Variants in ASXL3 observed in about 807,000 individuals in gnomAD.
ASXL3 encodes the protein putative Polycomb group protein ASXL3.
A neutral mutation model predicts 170.6 loss-of-function variants in ASXL3; 34 were observed. The ratio of observed to expected loss-of-function variants is 0.20; its 90% confidence interval spans 0.15 to 0.27. The LOEUF is 0.27. Among genes scored for constraint, ASXL3 ranks in the 10% least tolerant of loss-of-function variants. The probability of loss-of-function intolerance (pLI) is 1.00; values close to 1 mark genes in which losing one functional copy is unlikely to be tolerated. For synonymous variants in ASXL3, 1,002 were observed against 989.1 expected (o/e 1.01, Z -0.24); for missense variants, 2,592 against 2,695.3 (o/e 0.96, Z 0.85).
chr18:33,733,075 C>G (rs935416627), intron 9 of ASXL3, among the ~76,000 whole-genome samples: 11 of 152,116 alleles, frequency 7.2e-5, no homozygotes, highest in African/African-American at 2.7e-4. Flanking sequence ...TCCTATTCTT[C>G]CATCTGATGC....
At chr18:33,645,680 T>G (rs928943879) in intron 3 of ASXL3, among the ~76,000 whole-genome samples, 13 of 152,074 alleles carry the variant, frequency 8.5e-5, no homozygotes, top group African/African-American at 2.4e-4. Context: ...ATTGTGTTAT[T>G]TCTTAGAAAT....
chr18:33,648,165 G>A (rs186186402), intron 4 of ASXL3, among the ~76,000 whole-genome samples: 1 of 152,240 alleles, frequency 6.6e-6, no homozygotes, highest in East Asian at 1.9e-4. Context: ...AGCTAGAAAG[G>A]CAATGGCCAC....
chr18:33,744,267 C>A lies in ASXL3; in HGVS notation c.4419C>A (p.Val1473=), dbSNP rs747649933. The A allele has an allele frequency of 2.5e-6, 4 of 1,614,036 alleles. No homozygotes were observed. The highest frequency in any genetic ancestry group is 1.7e-5 in the Admixed American group (1 of 60,030). The stretch of plus-strand genomic sequence containing the variant: ...TAAACCGATCAATTCCGTGTAAAGT[C>A]ATCGTTGACCACAGCACCACGCTGA... ...AAINRSIPCK[V]IVDHSTTLTS... Residue 1473 remains valine (V), a synonymous_variant, in exon 12 of 12, where the codon GTC becomes GTA. Coordinates refer to ENST00000269197, the MANE Select transcript of ASXL3 (RefSeq NM_030632.3).
chr18:33,734,137 AT>A (rs2067504704), intron 9 of ASXL3, among the ~76,000 whole-genome samples, 172 bp from the exon 10 acceptor site: 1 of 52,044 alleles, frequency 1.9e-5, no homozygotes, highest in African/African-American at 9.9e-5. Context: ...TAGCATTTTT[AT>A]GAACATCTTG....
At chr18:33,717,352 G>A (rs1002431686) in intron 8 of ASXL3, among the ~76,000 whole-genome samples, 2 of 152,084 alleles carry the variant, frequency 1.3e-5, no homozygotes, top group Non-Finnish European at 2.9e-5. Context: ...AGAATGCTAT[G>A]ATTTAAAGGA....
intron 9 of ASXL3, 123 bp from the exon 10 acceptor site, chr18:33,734,178 AAATGTTATC>A (rs1274380984): frequency 2.0e-6 from 1 of 500,898 alleles, no homozygotes; most frequent in Non-Finnish European, 3.4e-6. Context: ...GAAGATGTAG[AAATGTTATC>A]ATTATTTGTC....
intron 8 of ASXL3, among the ~76,000 whole-genome samples, chr18:33,713,944 T>G (rs1413968770): frequency 6.6e-6 from 1 of 152,210 alleles, no homozygotes; most frequent in Non-Finnish European, 1.5e-5. Context: ...CAGTGTTACA[T>G]GCTGGTCTCA....
chr18:33,590,394 C>T lies in ASXL3; in HGVS notation c.54+11709C>T, dbSNP rs1249889630. Among the ~76,000 whole-genome samples, 7 of 151,898 alleles carry T rather than the reference C, an allele frequency of 4.6e-5. No individual in the cohort carries two copies. The South Asian group carries it at 8.3e-4, about 18-fold the overall frequency. ...CAGCAATTGCCAAGATCAGGTATCA[C>T]GATTGATTGCTACACAAGGATCATG... is the stretch of plus-strand genomic sequence containing the variant. On this transcript the variant is annotated intron_variant, in intron 1 of 11. Coordinates refer to ENST00000269197, the MANE Select transcript of ASXL3 (RefSeq NM_030632.3).
intron 4 of ASXL3, among the ~76,000 whole-genome samples, chr18:33,646,899 T>C (rs2065924713): frequency 6.7e-6 from 1 of 150,338 alleles, no homozygotes; most frequent in African/African-American, 2.4e-5. Context: ...GGGGCATTTT[T>C]CACCTCTGAA....
At chr18:33,727,093 A>G (rs188012841) in intron 8 of ASXL3, among the ~76,000 whole-genome samples, 10 of 152,002 alleles carry the variant, frequency 6.6e-5, no homozygotes, top group East Asian at 3.9e-4. Flanking sequence ...CACATACTCA[A>G]TGTGAATATT....
intron 8 of ASXL3, among the ~76,000 whole-genome samples, chr18:33,694,370 A>G (rs957829448): frequency 1.3e-5 from 2 of 152,180 alleles, no homozygotes; most frequent in African/African-American, 2.4e-5. Flanking sequence ...TTTTAAAAAT[A>G]TATGGCAGCT....
Position 33,646,207 on chromosome 18 carries a change from ATCT to A in ASXL3, c.247-34_247-32del, listed in dbSNP as rs762675317. ...TTTGAATGTTTTTAGTTGCTAATAC[ATCT>A]TCTCCATAAATCATCACTTTTCAAA... is the stretch of plus-strand genomic sequence containing the variant. On this transcript the variant is annotated intron_variant, in intron 3 of 11. Transcript: ENST00000269197. 12 of 1,539,826 alleles carry A rather than the reference ATCT, an allele frequency of 7.8e-6. No homozygotes were observed. In the East Asian group the frequency reaches 2.0e-4, roughly 26 times the overall value.
At chr18:33,643,769 A>G (rs2065879075) in intron 2 of ASXL3, among the ~76,000 whole-genome samples, 1 of 151,782 alleles carries the variant, frequency 6.6e-6, no homozygotes, top group Non-Finnish European at 1.5e-5. Flanking sequence ...TTGAAATTTG[A>G]AGTTAGAATT....
intron 5 of ASXL3, among the ~76,000 whole-genome samples, chr18:33,661,999 G>A (rs905489350): frequency 2.6e-5 from 4 of 152,104 alleles, no homozygotes; most frequent in African/African-American, 9.7e-5. Flanking sequence ...AACATTTTGT[G>A]TGTCTATTTA....
chr18:33,587,173 T>C (rs1368452113), intron 1 of ASXL3, among the ~76,000 whole-genome samples: 1 of 152,204 alleles, frequency 6.6e-6, no homozygotes, highest in Non-Finnish European at 1.5e-5. Context: ...TAAGAAGCCC[T>C]TTTCAAAACT....
intron 8 of ASXL3, among the ~76,000 whole-genome samples, chr18:33,702,732 TAAATTATA>T (rs2066895466): frequency 6.6e-6 from 1 of 152,170 alleles, no homozygotes; most frequent in African/African-American, 2.4e-5. Flanking sequence ...TTGCCATTCA[TAAATTATA>T]TTAGGTTTTC....
rs2065507934 is a variant in ASXL3, at chr18:33,621,226, A to C, written c.137+13550A>C. 2.0e-5 allele frequency among the ~76,000 whole-genome samples: 3 copies of C among 152,184 alleles called. No homozygotes were observed. In the South Asian group the frequency reaches 6.2e-4, roughly 32 times the overall value. On this transcript the variant is annotated intron_variant, in intron 2 of 11. Transcript: ENST00000269197. ...GAGTGAGTTGTCCACAATGATAGTC[A>C]ATGAATATTTGACTCATCTTTAAGC...
chr18:33,690,943 GCCA>G (rs1385182645), intron 8 of ASXL3, among the ~76,000 whole-genome samples: 1 of 152,050 alleles, frequency 6.6e-6, no homozygotes, highest in East Asian at 1.9e-4. Context: ...TCCTCTCCAG[GCCA>G]CCTCTCTGTG....
chr18:33,638,571 T>G (rs1369371938), intron 2 of ASXL3, among the ~76,000 whole-genome samples: 1 of 152,200 alleles, frequency 6.6e-6, no homozygotes, highest in African/African-American at 2.4e-5. Flanking sequence ...AAATATTTGC[T>G]TAAGTGTTCA....
Sources: gnomAD v4.1 joint callset for allele counts (sites outside exome capture counted in the v4.1 genomes callset) on GRCh38, gnomAD v4.1.1 for gene constraint, MANE v1.5 for transcripts, NCBI Gene and HGNC (gene_info 2026-07-23, HGNC 2026-07-21) for gene names.